CLN3: variants seen among roughly 807,000 people sequenced by gnomAD.
CLN3 encodes the protein battenin.
In CLN3, 49 loss-of-function variants were observed where a neutral mutation model predicts 60.7. That is an observed-to-expected ratio of 0.81 (90% CI 0.64 to 1.02). The LOEUF is 1.02. CLN3 is among the 50% of genes least tolerant of loss of function. The pLI, the probability that CLN3 is intolerant of heterozygous loss-of-function variation, is 0.00. For missense variants in CLN3, 516 were observed against 557.4 expected, an observed-to-expected ratio of 0.93 and a Z score of 0.75; for synonymous variants, 256 against 245.8, an observed-to-expected ratio of 1.04 and a Z score of -0.39.
At chr16:28,487,785 C>A (rs1270846722) in intron 5 of CLN3, 44 bp from the exon 6 acceptor site, 1 of 1,501,380 alleles carries the variant, frequency 6.7e-7, no homozygotes, top group Non-Finnish European at 9.2e-7. Context: ...TTCCAGGGGA[C>A]AACCCTCCCA....
intron 9 of CLN3, among the ~76,000 whole-genome samples, chr16:28,485,297 T>A (rs2046188553): frequency 7.1e-6 from 1 of 140,816 alleles, no homozygotes; most frequent in Non-Finnish European, 1.5e-5. Context: ...CCGGGCGCGG[T>A]GGCTCACGCC....
intron 3 of CLN3, 34 bp downstream of exon 3, chr16:28,491,448 C>T (rs894821312): frequency 5.0e-6 from 8 of 1,610,542 alleles, no homozygotes; most frequent in Admixed American, 3.3e-5. Flanking sequence ...TCTTCTCATG[C>T]CATTGTCACT....
At chr16:28,477,088 A>G (rs1002000641), downstream of CLN3, 3 of 266,912 alleles carry the variant, frequency 1.1e-5, no homozygotes, top group Non-Finnish European at 2.2e-5. Flanking sequence ...GTGAGCCAAG[A>G]TCACGCCATT....
chr16:28,484,613 G>A, intron 9 of CLN3: 1 of 199,272 alleles, frequency 5.0e-6, no homozygotes, highest in South Asian at 8.9e-5. Context: ...GCCTCCTAAA[G>A]CACTGGGATT....
intron 14 of CLN3, chr16:28,479,364 T>C (rs946808677): frequency 6.6e-6 from 1 of 152,188 alleles, no homozygotes; most frequent in Admixed American, 6.6e-5. Flanking sequence ...GGCGGGTGGA[T>C]CACCTGAGGT....
At chr16:28,486,783 TC>T in intron 7 of CLN3, 133 bp from the exon 8 acceptor site, 1 of 873,960 alleles carries the variant, frequency 1.1e-6, no homozygotes, top group Non-Finnish European at 1.8e-6. Context: ...TAGGCCAGGT[TC>T]CAGGTCTGAA....
At chr16:28,472,475 A>G (rs1033691679), downstream of CLN3, among the ~76,000 whole-genome samples, 16 of 152,174 alleles carry the variant, frequency 1.1e-4, no homozygotes, top group African/African-American at 3.9e-4. Context: ...GTATCACACC[A>G]CCTGCAAAAA....
At chr16:28,485,194 C>T (rs892949991) in intron 9 of CLN3, among the ~76,000 whole-genome samples, 3 of 150,748 alleles carry the variant, frequency 2.0e-5, no homozygotes, top group East Asian at 2.0e-4. Flanking sequence ...GCGCCCGCCT[C>T]GGCCTCCCAA....
In CLN3 at chr16:28,491,747, C is replaced by T. The variant is rs1213007861; in HGVS notation, c.13G>A (p.Ala5Thr). 6.2e-7 allele frequency: 1 copy of T among 1,614,012 alleles called. No individual in the cohort carries two copies. MGGC[A>T]GSRRRFSDSE... is the part of the protein sequence containing the mutation. ...TCCGAAAAGCGCCGCCGCGAGCCTGCACAGCCTCCCATCGCATCAAGTTCA... is the reference window on the plus strand; with the variant it reads ...TCCGAAAAGCGCCGCCGCGAGCCTGTACAGCCTCCCATCGCATCAAGTTCA... The change falls in exon 2 of 16, where the codon GCA becomes ACA. Residue 5 changes from alanine to threonine, a missense_variant. Ala to Thr is a moderately conservative substitution (Grantham distance 58). Coordinates refer to ENST00000636147, the MANE Select transcript of CLN3 (RefSeq NM_001042432.2).
rs776361372 is a variant in CLN3 at position 28,491,567 on chromosome 16, G to A, written c.47-7C>T. The A allele has an allele frequency of 3.7e-6, 6 of 1,614,004 alleles. No individual in the cohort carries two copies. The highest frequency in any genetic ancestry group is 1.1e-5 in the South Asian group (1 of 91,064). On this transcript the variant is annotated splice_region_variant and splice_polypyrimidine_tract_variant and intron_variant, in intron 2 of 15. Coordinates refer to ENST00000636147, the MANE Select transcript of CLN3 (RefSeq NM_001042432.2). ...TCCGGGACGGTCTCCTCCCCTGGGAGAGCGAGAAGAGGGCATGACCCCCAC... is the reference window on the plus strand; with the variant it reads ...TCCGGGACGGTCTCCTCCCCTGGGAAAGCGAGAAGAGGGCATGACCCCCAC...
intron 5 of CLN3, chr16:28,487,971 C>T: frequency 1.9e-6 from 1 of 536,312 alleles, no homozygotes; most frequent in South Asian, 2.0e-5. Context: ...TATCATAGCA[C>T]CTAGCTCACA....
At chr16:28,487,582 C>T in intron 6 of CLN3, 41 bp from the exon 7 acceptor site, 1 of 1,600,250 alleles carries the variant, frequency 6.2e-7, no homozygotes, top group Non-Finnish European at 8.6e-7. Flanking sequence ...AGGTCGGTCT[C>T]TACTCTCAGC....
chr16:28,477,563 C>T lies in CLN3; in HGVS notation c.1270G>A (p.Gly424Arg). The T allele has an allele frequency of 6.2e-7, 1 of 1,614,030 alleles. No homozygotes were observed. The highest frequency in any genetic ancestry group is 8.5e-7 in the Non-Finnish European group (1 of 1,180,038). The change falls in exon 16 of 16, where the codon GGG becomes AGG. Residue 424 changes from glycine (G) to arginine (R), a missense_variant. By Grantham distance (125) the Gly-to-Arg change is moderately radical (BLOSUM62 -2). Coordinates refer to ENST00000636147, the MANE Select transcript of CLN3 (RefSeq NM_001042432.2). ...ISDTLGISLS[G>R]LLALPLHDFL... Reference sequence around the variant, plus strand: ...TCATGCAGAGGCAAAGCCAGGAGCCCCGACAGGGAGATCCCCAGTGTGTCA... The same window carrying T: ...TCATGCAGAGGCAAAGCCAGGAGCCTCGACAGGGAGATCCCCAGTGTGTCA...
Position 28,491,702 on chromosome 16 carries a change from G to T in CLN3, c.46+12C>A, listed in dbSNP as rs552398958. ...AGGTGGTCGTTCCATGAGGGTGGGC[G>T]GGAATACTCACCCTCGGAATCCGAA... On this transcript the variant is annotated intron_variant, in intron 2 of 15. Coordinates refer to ENST00000636147, the MANE Select transcript of CLN3 (RefSeq NM_001042432.2). 5 of 1,614,136 alleles carry T rather than the reference G, an allele frequency of 3.1e-6. No homozygotes were observed. The South Asian group carries it at 5.5e-5, about 18-fold the overall frequency.
chr16:28,477,668 G>C (rs780964601), intron 15 of CLN3, 33 bp from the exon 16 acceptor site: 2 of 1,614,050 alleles, frequency 1.2e-6, no homozygotes, highest in South Asian at 2.2e-5. Context: ...TGAGGCTTCA[G>C]TCCCAGACAT....
intron 14 of CLN3, among the ~76,000 whole-genome samples, chr16:28,481,417 AACACACACACACACAC>A (rs767753225): frequency 1.5e-5 from 2 of 129,578 alleles, no homozygotes; most frequent in African/African-American, 2.9e-5. Context: ...CAATGCTTAA[AACACACACACACACAC>A]ACACACACAC....
At chr16:28,491,350 G>T in intron 3 of CLN3, 132 bp downstream of exon 3, 1 of 1,320,024 alleles carries the variant, frequency 7.6e-7, no homozygotes, top group Non-Finnish European at 1.1e-6. Flanking sequence ...TGCCCCTGGG[G>T]CAAACCAGTG....
At chr16:28,479,412 C>T (rs932289430) in intron 14 of CLN3, 2 of 152,142 alleles carry the variant, frequency 1.3e-5, no homozygotes, top group African/African-American at 4.8e-5. Context: ...ATGGCGAAAC[C>T]CCATCTCTAC....
chr16:28,474,899 T>TC (rs2045979042), downstream of CLN3, among the ~76,000 whole-genome samples: 1 of 151,990 alleles, frequency 6.6e-6, no homozygotes, highest in African/African-American at 2.4e-5. Flanking sequence ...GGCCAGGAGT[T>TC]CCAGTCCAGC....
Sources: gnomAD v4.1 joint callset for allele counts (sites outside exome capture counted in the v4.1 genomes callset) on GRCh38, gnomAD v4.1.1 for gene constraint, MANE v1.5 for transcripts, NCBI Gene and HGNC (gene_info 2026-07-23, HGNC 2026-07-21) for gene names.